CCSER1: variants seen among roughly 807,000 people sequenced by gnomAD.
CCSER1 encodes the protein coiled-coil serine rich protein 1.
In CCSER1, 41 loss-of-function variants were observed where a neutral mutation model predicts 82.0. The ratio of observed to expected loss-of-function variants is 0.50; its 90% CI spans 0.39 to 0.65. The LOEUF (loss-of-function observed/expected upper bound fraction) is 0.65. Among genes scored for constraint, CCSER1 ranks in the 30% least tolerant of loss-of-function variants. The probability of loss-of-function intolerance (pLI) is 0.00; values close to 1 mark genes in which losing one functional copy is unlikely to be tolerated. For missense variants in CCSER1, 1,119 were observed against 1,064.2 expected (o/e 1.05, Z -0.72); for synonymous variants, 414 against 383.9 (o/e 1.08, Z -0.92).
chr4:90,691,564 AT>A (rs1419071510), intron 6 of CCSER1, among the ~76,000 whole-genome samples: 3 of 151,614 alleles, frequency 2.0e-5, no homozygotes, highest in Non-Finnish European at 4.4e-5. Flanking sequence ...ACATGTGTGT[AT>A]ATCACATGTA....
chr4:90,155,043 A>T (rs1229565253), intron 1 of CCSER1, among the ~76,000 whole-genome samples: 4 of 152,274 alleles, frequency 2.6e-5, no homozygotes, highest in Non-Finnish European at 5.9e-5. Flanking sequence ...TATTATTTTG[A>T]GATACATCCC....
intron 6 of CCSER1, among the ~76,000 whole-genome samples, chr4:90,700,377 T>G (rs1433710232): frequency 6.6e-6 from 1 of 152,126 alleles, no homozygotes; most frequent in Non-Finnish European, 1.5e-5. Flanking sequence ...TTTTCTTAAT[T>G]CAGTCTATCA....
chr4:91,556,761 T>G (rs2110240154), intron 10 of CCSER1, among the ~76,000 whole-genome samples: 1 of 151,200 alleles, frequency 6.6e-6, no homozygotes, highest in East Asian at 1.9e-4. Flanking sequence ...TTACAGACAG[T>G]AGGCACAAAT....
chr4:90,509,878 T>C (rs570436680), intron 5 of CCSER1, among the ~76,000 whole-genome samples: 21 of 152,338 alleles, frequency 1.4e-4, no homozygotes, highest in African/African-American at 5.0e-4. Flanking sequence ...AATATTAACA[T>C]ATTCAATGAA....
intron 9 of CCSER1, among the ~76,000 whole-genome samples, chr4:91,076,000 T>C (rs1275425720): frequency 6.6e-6 from 1 of 152,178 alleles, no homozygotes; most frequent in Non-Finnish European, 1.5e-5. Flanking sequence ...ACAGTCTTGC[T>C]CTAGTACTCA....
At chr4:90,382,632 A>G (rs1430938927) in intron 3 of CCSER1, among the ~76,000 whole-genome samples, 2 of 152,088 alleles carry the variant, frequency 1.3e-5, no homozygotes, top group African/African-American at 4.8e-5. Flanking sequence ...TACAAGAAAA[A>G]TAAAAGCACT....
intron 10 of CCSER1, among the ~76,000 whole-genome samples, chr4:91,119,023 G>A (rs1726865482): frequency 6.6e-6 from 1 of 152,130 alleles, no homozygotes; most frequent in South Asian, 2.1e-4. Flanking sequence ...CTTAAAAGAG[G>A]TGTGAAGGAG....
At chr4:91,158,315 G>A (rs1484850427) in intron 10 of CCSER1, among the ~76,000 whole-genome samples, 1 of 151,742 alleles carries the variant, frequency 6.6e-6, no homozygotes, top group African/African-American at 2.4e-5. Context: ...TATTCTTGTT[G>A]GCATGGAGTG....
At chr4:90,520,527 A>G (rs1772952455) in intron 5 of CCSER1, among the ~76,000 whole-genome samples, 1 of 152,192 alleles carries the variant, frequency 6.6e-6, no homozygotes, top group African/African-American at 2.4e-5. Flanking sequence ...CTAAATTCCA[A>G]GTTCCTTCAG....
At chr4:90,479,535 C>T (rs926533277) in intron 5 of CCSER1, among the ~76,000 whole-genome samples, 2 of 151,894 alleles carry the variant, frequency 1.3e-5, no homozygotes, top group Non-Finnish European at 2.9e-5. Context: ...GCTCCCCCCA[C>T]CCCACAACAG....
At chr4:91,502,690 T>C (rs962545589) in intron 10 of CCSER1, among the ~76,000 whole-genome samples, 3 of 152,244 alleles carry the variant, frequency 2.0e-5, no homozygotes, top group Non-Finnish European at 4.4e-5. Context: ...TGTTTCATCA[T>C]TGTTAAAGAA....
At chr4:90,434,504 G>A (rs984039487) in intron 4 of CCSER1, among the ~76,000 whole-genome samples, 2 of 152,088 alleles carry the variant, frequency 1.3e-5, no homozygotes, top group Non-Finnish European at 2.9e-5. Context: ...CAGAACTGAA[G>A]AACTTCAAAA....
At chr4:90,305,002 C>T (rs1035512400) in intron 1 of CCSER1, among the ~76,000 whole-genome samples, 7 of 151,694 alleles carry the variant, frequency 4.6e-5, no homozygotes, top group South Asian at 2.1e-4. Context: ...CTGCAACCTC[C>T]GCTTCCTGGG....
intron 10 of CCSER1, among the ~76,000 whole-genome samples, chr4:91,416,391 T>G (rs897205360): frequency 1.3e-5 from 2 of 151,828 alleles, no homozygotes; most frequent in African/African-American, 4.8e-5. Context: ...AGAGCCTGAA[T>G]AGGAAAGAGA....
chr4:91,429,152 C>T (rs1754153825), intron 10 of CCSER1, among the ~76,000 whole-genome samples: 1 of 151,724 alleles, frequency 6.6e-6, no homozygotes, highest in African/African-American at 2.4e-5. Context: ...ATTTTTATGC[C>T]ATCACAGAAT....
intron 8 of CCSER1, among the ~76,000 whole-genome samples, chr4:90,843,169 A>G (rs561576932): frequency 6.6e-6 from 1 of 152,214 alleles, no homozygotes; most frequent in South Asian, 2.1e-4. Flanking sequence ...CAGTTTTCTC[A>G]TCTGCAGTGC....
chr4:90,352,038 G>A (rs1448483529), intron 3 of CCSER1, among the ~76,000 whole-genome samples: 2 of 152,126 alleles, frequency 1.3e-5, no homozygotes, highest in South Asian at 4.1e-4. Flanking sequence ...AAAATACGGA[G>A]ATTAGGCCGG....
At chr4:90,232,122 C>T (rs1432762550) in intron 1 of CCSER1, among the ~76,000 whole-genome samples, 1 of 152,176 alleles carries the variant, frequency 6.6e-6, no homozygotes, top group African/African-American at 2.4e-5. Flanking sequence ...GAAAAAACTA[C>T]TTTAAAGTTC....
chr4:90,477,350 G>A (rs1321967641), intron 5 of CCSER1, among the ~76,000 whole-genome samples: 2 of 152,136 alleles, frequency 1.3e-5, no homozygotes, highest in Non-Finnish European at 2.9e-5. Flanking sequence ...TTGAAGTCAA[G>A]TATTCTTATA....
Sources: allele counts gnomAD v4.1 joint callset (sites outside exome capture counted in the v4.1 genomes callset), GRCh38; gene constraint gnomAD v4.1.1; transcripts MANE v1.5; gene names NCBI Gene and HGNC (gene_info 2026-07-23, HGNC 2026-07-21).